The following CCDC171 variants were observed in gnomAD, a reference collection of about 807,000 sequenced individuals.
CCDC171 encodes coiled-coil domain-containing protein 171.
A neutral mutation model predicts 168.2 loss-of-function variants in CCDC171; 177 were observed. The observed-to-expected ratio is 1.05, with a 90% confidence interval of 0.93 to 1.19. The LOEUF is 1.19. CCDC171 is among the 50% of genes most tolerant of loss of function. The pLI, the probability that CCDC171 is intolerant of heterozygous loss-of-function variation, is 0.00. For missense variants in CCDC171, 1,991 were observed against 1,539.0 expected (o/e 1.29, Z -4.91); for synonymous variants, 687 against 540.8 (o/e 1.27, Z -3.75).
chr9:15,871,241 A>T (rs995548198), intron 23 of CCDC171, among the ~76,000 whole-genome samples: 1 of 151,800 alleles, frequency 6.6e-6, no homozygotes, highest in Non-Finnish European at 1.5e-5. Flanking sequence ...TATGTTAAAA[A>T]TGAGCTGTTA....
chr9:15,764,428 TAG>T (rs1358180032), intron 18 of CCDC171, among the ~76,000 whole-genome samples: 1 of 152,224 alleles, frequency 6.6e-6, no homozygotes, highest in Non-Finnish European at 1.5e-5. Flanking sequence ...GGTTATTGGC[TAG>T]AGTCTGGAAA....
At chr9:15,736,208 T>C (rs1308112076) in intron 16 of CCDC171, among the ~76,000 whole-genome samples, 1 of 152,216 alleles carries the variant, frequency 6.6e-6, no homozygotes, top group Non-Finnish European at 1.5e-5. Context: ...ACTGTTTTAG[T>C]ACGTTTTTAC....
At chr9:15,722,717 G>A (rs1487301083) in intron 12 of CCDC171, among the ~76,000 whole-genome samples, 1 of 152,094 alleles carries the variant, frequency 6.6e-6, no homozygotes, top group Non-Finnish European at 1.5e-5. Context: ...TTCATATGCG[G>A]CTTATTTTAT....
chr9:15,796,674 ATGGGCCAAGTCAGACC>A (rs1185716717), intron 21 of CCDC171, among the ~76,000 whole-genome samples: 1 of 152,192 alleles, frequency 6.6e-6, no homozygotes, highest in Non-Finnish European at 1.5e-5. Context: ...AGGGTGCAAG[ATGGGCCAAGTCAGACC>A]TGGCAAGTAT....
At chr9:15,940,147 T>C (rs1589187774) in intron 25 of CCDC171, among the ~76,000 whole-genome samples, 1 of 151,950 alleles carries the variant, frequency 6.6e-6, no homozygotes, top group Non-Finnish European at 1.5e-5. Context: ...ATAATTTTGC[T>C]AAGAGTGTAA....
chr9:15,610,444 TAAAAAAAAAA>T lies in CCDC171; in HGVS notation c.676-12795_676-12786del, dbSNP rs754593075. On this transcript the variant is annotated intron_variant, in intron 6 of 25. Coordinates refer to ENST00000380701, the MANE Select transcript of CCDC171 (RefSeq NM_173550.4). ...CAACATGGTGAAACCCCATCTCAAC[TAAAAAAAAAA>T]AAAAAAAAAAAAAAAAAAAAAAAAA... is the stretch of plus-strand genomic sequence containing the variant. Among the ~76,000 whole-genome samples the T allele has an allele frequency of 3.4e-3, 43 of 12,714 alleles. 1 individual carries two copies. The highest frequency in any genetic ancestry group is 8.2e-3 in the African/African-American group (34 of 4,124). 8.3% of individuals were successfully genotyped at this position (12,714 alleles called of 152,430 possible).
At chr9:15,812,323 G>A (rs751182811) in intron 21 of CCDC171, among the ~76,000 whole-genome samples, 6 of 152,110 alleles carry the variant, frequency 3.9e-5, no homozygotes, top group Non-Finnish European at 8.8e-5. Flanking sequence ...ATACACATAG[G>A]TATATAGAAA....
At chr9:15,570,398 C>T (rs1323787823) in intron 2 of CCDC171, among the ~76,000 whole-genome samples, 1 of 150,756 alleles carries the variant, frequency 6.6e-6, no homozygotes, top group Non-Finnish European at 1.5e-5. Context: ...TTTTTTTTCC[C>T]CTCTTCTAAG....
chr9:16,006,587 T>C (rs1030415566), intron 3 of CCDC171, among the ~76,000 whole-genome samples: 6 of 135,074 alleles, frequency 4.4e-5, no homozygotes, highest in African/African-American at 1.4e-4. Context: ...CCCCCTCCCC[T>C]CACCCCACCA....
intron 11 of CCDC171, among the ~76,000 whole-genome samples, chr9:15,702,140 A>C (rs2051800933): frequency 6.6e-6 from 1 of 152,140 alleles, no homozygotes; most frequent in African/African-American, 2.4e-5. Context: ...TTTTGAAAGG[A>C]ATCTTTTTGT....
intron 9 of CCDC171, among the ~76,000 whole-genome samples, chr9:15,666,942 T>C (rs757398817): frequency 7.2e-5 from 11 of 152,202 alleles, no homozygotes; most frequent in Non-Finnish European, 1.2e-4. Context: ...ATACCTAGCA[T>C]TGCAGTTTCA....
chr9:15,571,757 G>A lies in CCDC171; in HGVS notation c.175G>A (p.Glu59Lys), dbSNP rs141895202. The A allele has an allele frequency of 6.5e-5, 102 of 1,571,042 alleles. No individual in the cohort carries two copies. The highest frequency in any genetic ancestry group is 8.0e-5 in the Non-Finnish European group (94 of 1,168,762). The change falls in exon 3 of 26, where the codon GAG becomes AAG. Residue 59 changes from glutamate to lysine, a missense_variant and splice_region_variant. Transcript: ENST00000380701. ...AGAAATAACAACCAAACACAATGCAGAGGTACGATTTATTTTCCTCTCAAA... is the reference window on the plus strand; with the variant it reads ...AGAAATAACAACCAAACACAATGCAAAGGTACGATTTATTTTCCTCTCAAA... The part of the protein sequence containing the change: ...KLEITTKHNA[E>K]LASYESQIAK...
At chr9:15,692,673 G>A (rs935936302) in intron 10 of CCDC171, among the ~76,000 whole-genome samples, 19 of 151,284 alleles carry the variant, frequency 1.3e-4, no homozygotes, top group African/African-American at 4.3e-4. Flanking sequence ...GACTACAGGC[G>A]CCCGCCACCA....
intron 11 of CCDC171, among the ~76,000 whole-genome samples, chr9:15,709,957 C>G (rs2052535934): frequency 6.6e-6 from 1 of 152,088 alleles, no homozygotes. Flanking sequence ...TTTGTTTCAT[C>G]TACTTCCCCT....
intron 6 of CCDC171, among the ~76,000 whole-genome samples, chr9:15,603,751 C>T (rs1418160731): frequency 1.3e-5 from 2 of 151,656 alleles, no homozygotes; most frequent in East Asian, 4.1e-4. Context: ...GATTTATATT[C>T]CTTTGGGTAT....
chr9:16,033,197 C>T (rs921054018), intron 6 of CCDC171, among the ~76,000 whole-genome samples: 5 of 152,308 alleles, frequency 3.3e-5, no homozygotes, highest in Middle Eastern at 3.4e-3. Context: ...GGCTCTAGTA[C>T]GTGTCTGATA....
intron 24 of CCDC171, among the ~76,000 whole-genome samples, chr9:15,900,925 G>T (rs1200487099): frequency 6.6e-6 from 1 of 152,146 alleles, no homozygotes; most frequent in South Asian, 2.1e-4. Flanking sequence ...TGCTTCCAGT[G>T]TACATCTACA....
chr9:15,793,556 T>TC (rs1554817653), intron 21 of CCDC171, among the ~76,000 whole-genome samples: 2 of 43,146 alleles, frequency 4.6e-5, no homozygotes, highest in Non-Finnish European at 1.2e-4. Flanking sequence ...CCAAGGTTTT[T>TC]TTTTTTTTTT....
intron 9 of CCDC171, among the ~76,000 whole-genome samples, chr9:15,670,120 C>T (rs906499625): frequency 6.6e-6 from 1 of 152,130 alleles, no homozygotes; most frequent in Admixed American, 6.6e-5. Flanking sequence ...ACCTGCCCTA[C>T]TCTTGCTCCA....
Sources: allele counts gnomAD v4.1 joint callset (sites outside exome capture counted in the v4.1 genomes callset), GRCh38; gene constraint gnomAD v4.1.1; transcripts MANE v1.5; gene names NCBI Gene and HGNC (gene_info 2026-07-23, HGNC 2026-07-21).